Variants in NEDD9 observed in about 807,000 individuals in gnomAD.
NEDD9 encodes the protein neural precursor cell expressed, developmentally down-regulated 9.
A neutral mutation model predicts 76.6 loss-of-function variants in NEDD9; 26 were observed. That is an observed-to-expected ratio of 0.34 (90% confidence interval 0.25 to 0.47). NEDD9 has a LOEUF of 0.47. NEDD9 is among the 20% of genes least tolerant of loss of function. The pLI, the probability that NEDD9 is intolerant of heterozygous loss-of-function variation, is 1.00. For missense variants in NEDD9, 937 were observed against 1,058.5 expected (o/e 0.89, Z 1.59); for synonymous variants, 392 against 414.2 (o/e 0.95, Z 0.65).
rs576943272 is a variant in NEDD9 at position 11,190,213 on chromosome 6, G to A, written c.1656C>T (p.Asn552=). The A allele has an allele frequency of 5.6e-5, 90 of 1,614,220 alleles. 2 individuals are homozygous for A. Among genetic ancestry groups the A allele is most frequent in the Admixed American group, 4.5e-4 (27 of 60,024 alleles). Residue 552 remains asparagine (N), a synonymous_variant, in exon 5 of 7, where the codon AAC becomes AAT. Coordinates refer to ENST00000379446, the MANE Select transcript of NEDD9 (RefSeq NM_006403.4). The surrounding 1 kb of genome is among the most constrained non-coding windows in gnomAD (Gnocchi z 5.8). ...AKQLTTTINT[N]AEALFRPGPG... is the part of the protein sequence containing the mutation. ...GGCCGGGTCTGAAGAGGGCCTCTGC[G>A]TTGGTGTTGATGGTTGTGGTGAGCT...
chr6:11,200,753 C>A, intron 2 of NEDD9: 1 of 1,390,232 alleles, frequency 7.2e-7, no homozygotes. Context: ...CCTTGATGAT[C>A]ATCTGTAGAG....
chr6:11,196,877 G>C (rs1758307795), intron 2 of NEDD9, among the ~76,000 whole-genome samples: 2 of 152,218 alleles, frequency 1.3e-5, no homozygotes, highest in African/African-American at 4.8e-5. Flanking sequence ...TCTACTTTTG[G>C]ACATTCTCTG....
intron 1 of NEDD9, among the ~76,000 whole-genome samples, chr6:11,224,074 C>T (rs1189144287): frequency 1.3e-5 from 2 of 152,066 alleles, no homozygotes; most frequent in African/African-American, 4.8e-5. Context: ...AACATGGATA[C>T]ATACTCACAA....
intron 2 of NEDD9, among the ~76,000 whole-genome samples, 168 bp from the exon 3 acceptor site, chr6:11,193,860 C>CTT (rs772630193): frequency 2.1e-5 from 3 of 141,364 alleles, no homozygotes; most frequent in Non-Finnish European, 3.1e-5. Flanking sequence ...CGTTAGTAAA[C>CTT]TTTTTTTTTT....
chr6:11,318,115 G>T (rs1761630116), intron 2 of NEDD9, among the ~76,000 whole-genome samples: 1 of 152,160 alleles, frequency 6.6e-6, no homozygotes, highest in South Asian at 2.1e-4. Context: ...CTAGAGCTAT[G>T]TGATCCGCTC....
At chr6:11,296,638 C>T (rs1425622057) in intron 3 of NEDD9, among the ~76,000 whole-genome samples, 6 of 136,614 alleles carry the variant, frequency 4.4e-5, no homozygotes, top group Non-Finnish European at 7.7e-5. Flanking sequence ...TCCTTCCTTC[C>T]TTCCTTTCCT....
At chr6:11,246,407 C>A (rs1358520788) in intron 3 of NEDD9, among the ~76,000 whole-genome samples, 1 of 152,066 alleles carries the variant, frequency 6.6e-6, no homozygotes, top group Non-Finnish European at 1.5e-5. Context: ...ATCCCAGGGC[C>A]CAGGAATGAA....
At chr6:11,358,045 C>T (rs1300154252) in intron 1 of NEDD9, among the ~76,000 whole-genome samples, 2 of 152,002 alleles carry the variant, frequency 1.3e-5, no homozygotes, top group East Asian at 3.9e-4. Context: ...GTCAGGAGAT[C>T]GAGATCATCC....
At chr6:11,265,428 T>G (rs371955972) in intron 3 of NEDD9, among the ~76,000 whole-genome samples, 7 of 152,366 alleles carry the variant, frequency 4.6e-5, no homozygotes, top group African/African-American at 1.7e-4. Flanking sequence ...TTTCTGGACT[T>G]TAACTTATTT....
chr6:11,286,544 T>C (rs1760652887), intron 3 of NEDD9, among the ~76,000 whole-genome samples: 2 of 152,184 alleles, frequency 1.3e-5, no homozygotes, highest in African/African-American at 4.8e-5. Context: ...TTATTTCTAA[T>C]TGCCCCCAAC....
intron 1 of NEDD9, among the ~76,000 whole-genome samples, chr6:11,353,076 G>A (rs942749529): frequency 2.2e-4 from 33 of 152,316 alleles, no homozygotes; most frequent in African/African-American, 7.2e-4. Context: ...TGTTCCTGTC[G>A]GGGTCCCAGG....
upstream of NEDD9, among the ~76,000 whole-genome samples, chr6:11,233,072 A>G (rs1211254622): frequency 6.6e-6 from 1 of 152,046 alleles, no homozygotes. Context: ...CAATCTCTAC[A>G]TGAAACGAAC....
At chr6:11,196,770 A>G (rs754719061) in intron 2 of NEDD9, among the ~76,000 whole-genome samples, 27 of 150,714 alleles carry the variant, frequency 1.8e-4, no homozygotes, top group Non-Finnish European at 4.4e-5. Context: ...TGGCATTTAA[A>G]TGGGACCAGG....
chr6:11,318,255 C>G (rs776005796), intron 2 of NEDD9, among the ~76,000 whole-genome samples: 1 of 152,116 alleles, frequency 6.6e-6, no homozygotes, highest in African/African-American at 2.4e-5. Context: ...CAAGTTCTTA[C>G]AAGAAATCAC....
intron 2 of NEDD9, among the ~76,000 whole-genome samples, chr6:11,310,684 G>C (rs1761338883): frequency 6.6e-6 from 1 of 152,150 alleles, no homozygotes; most frequent in African/African-American, 2.4e-5. Context: ...AGAAACAGCA[G>C]GCTGTTGCAG....
At chr6:11,296,144 G>T (rs1158003928) in intron 3 of NEDD9, among the ~76,000 whole-genome samples, 1 of 152,132 alleles carries the variant, frequency 6.6e-6, no homozygotes, top group Non-Finnish European at 1.5e-5. Flanking sequence ...GTCAAGGAGA[G>T]AGGCTTCAGG....
intron 1 of NEDD9, among the ~76,000 whole-genome samples, chr6:11,346,106 T>C (rs569582303): frequency 6.6e-6 from 1 of 152,374 alleles, no homozygotes; most frequent in East Asian, 1.9e-4. Flanking sequence ...TTGGCTTTTT[T>C]GTGTCTCCAC....
intron 1 of NEDD9, among the ~76,000 whole-genome samples, chr6:11,229,270 T>C (rs945030200): frequency 6.6e-6 from 1 of 152,246 alleles, no homozygotes; most frequent in African/African-American, 2.4e-5. Flanking sequence ...ATAAATAATT[T>C]AGAATTTTAA....
chr6:11,346,004 C>G (rs1482206094), intron 1 of NEDD9, among the ~76,000 whole-genome samples: 1 of 152,232 alleles, frequency 6.6e-6, no homozygotes, highest in Non-Finnish European at 1.5e-5. Flanking sequence ...ACCTCCCTAT[C>G]TAAGGCATCT....
Sources: gnomAD v4.1 joint callset for allele counts (sites outside exome capture counted in the v4.1 genomes callset) on GRCh38, gnomAD v4.1.1 for gene constraint, Gnocchi (gnomAD v3.1) non-coding constraint, MANE v1.5 for transcripts, NCBI Gene and HGNC (gene_info 2026-07-23, HGNC 2026-07-21) for gene names.